Variants in GRID2 observed in about 807,000 individuals in gnomAD.
GRID2 encodes glutamate receptor ionotropic, delta-2.
A neutral mutation model predicts 114.8 loss-of-function variants in GRID2; 33 were observed. That is an observed-to-expected ratio of 0.29 (90% CI 0.22 to 0.38). GRID2 has a LOEUF of 0.38. GRID2 is among the 10% of genes least tolerant of loss of function. The pLI is 1.00. For synonymous variants in GRID2, 505 were observed against 449.9 expected, an observed-to-expected ratio of 1.12 and a Z score of -1.55; for missense variants, 1,184 against 1,257.7, an observed-to-expected ratio of 0.94 and a Z score of 0.89.
chr4:93,003,352 C>T (rs1336415885), intron 2 of GRID2, among the ~76,000 whole-genome samples: 1 of 151,882 alleles, frequency 6.6e-6, no homozygotes, highest in Non-Finnish European at 1.5e-5. Flanking sequence ...GTCATTTAAA[C>T]ATTTTGATTT....
At chr4:92,862,920 C>T (rs527659204) in intron 2 of GRID2, among the ~76,000 whole-genome samples, 18 of 152,062 alleles carry the variant, frequency 1.2e-4, no homozygotes, top group Admixed American at 7.9e-4. Flanking sequence ...GCACTTGAGA[C>T]GGATTGATAA....
chr4:92,695,866 A>T (rs372440817), intron 2 of GRID2, among the ~76,000 whole-genome samples: 18 of 152,266 alleles, frequency 1.2e-4, no homozygotes, highest in African/African-American at 4.3e-4. Context: ...ATCTGAAATC[A>T]TACCCTGTAA....
intron 5 of GRID2, among the ~76,000 whole-genome samples, chr4:93,210,641 A>C (rs960187468): frequency 1.3e-5 from 2 of 152,038 alleles, no homozygotes; most frequent in African/African-American, 4.8e-5. Context: ...CCCACTGTTT[A>C]AGGCTCAATT....
intron 2 of GRID2, among the ~76,000 whole-genome samples, chr4:92,854,372 A>G (rs1394083420): frequency 6.6e-6 from 1 of 152,072 alleles, no homozygotes; most frequent in East Asian, 1.9e-4. Flanking sequence ...TCTGGGCTGA[A>G]AAGATCACTC....
rs561375793 is a variant in GRID2, at chr4:93,769,322, G to A, written c.2473G>A (p.Ala825Thr). The A allele has an allele frequency of 9.3e-6, 15 of 1,614,082 alleles. No individual in the cohort carries two copies. The highest frequency in any genetic ancestry group is 1.7e-4 in the Middle Eastern group (1 of 6,060). ...SSVDTKQKGG[A>T]LDIKSFAGVF... ...AGTGGACACAAAGCAGAAAGGAGGC[G>A]CCCTGGACATAAAGAGCTTTGCAGG... Residue 825 changes from alanine (A) to threonine (T), a missense_variant, in exon 15 of 16, where the codon GCC becomes ACC. By Grantham distance (58) the Ala-to-Thr change is moderately conservative. This residue lies in a region of GRID2 where 717 missense variants were observed against 796.9 expected (regional missense o/e 0.90). Transcript: ENST00000282020.
At chr4:93,414,501 C>T (rs1324230015) in intron 9 of GRID2, among the ~76,000 whole-genome samples, 1 of 151,990 alleles carries the variant, frequency 6.6e-6, no homozygotes, top group Non-Finnish European at 1.5e-5. Context: ...GCTAGTGTCT[C>T]TTCTGTCTCT....
At chr4:93,687,891 A>G (rs1028992231) in intron 14 of GRID2, among the ~76,000 whole-genome samples, 2 of 152,010 alleles carry the variant, frequency 1.3e-5, no homozygotes, top group Non-Finnish European at 2.9e-5. Flanking sequence ...AATGGAAATG[A>G]TCTAGTAGAG....
intron 3 of GRID2, among the ~76,000 whole-genome samples, chr4:93,097,843 G>A (rs924320295): frequency 2.0e-5 from 3 of 151,836 alleles, no homozygotes; most frequent in Non-Finnish European, 4.4e-5. Context: ...ATCAAAATGA[G>A]CCATTTTCTG....
intron 2 of GRID2, among the ~76,000 whole-genome samples, chr4:92,901,588 C>T (rs763813338): frequency 6.6e-6 from 1 of 152,014 alleles, no homozygotes; most frequent in Non-Finnish European, 1.5e-5. Flanking sequence ...AAGAGTTTTT[C>T]CTAGGTTTTC....
intron 8 of GRID2, among the ~76,000 whole-genome samples, chr4:93,279,187 T>G (rs1579523685): frequency 6.6e-6 from 1 of 151,830 alleles, no homozygotes; most frequent in Non-Finnish European, 1.5e-5. Context: ...ATATGGCATC[T>G]TGAGTTTGTT....
chr4:93,720,608 T>C (rs553331782), intron 14 of GRID2, among the ~76,000 whole-genome samples: 3 of 152,312 alleles, frequency 2.0e-5, no homozygotes, highest in Non-Finnish European at 4.4e-5. Context: ...CACAAACTGA[T>C]ATCATTAAAT....
At chr4:93,095,484 AAC>A (rs1422797358) in intron 3 of GRID2, among the ~76,000 whole-genome samples, 9 of 152,134 alleles carry the variant, frequency 5.9e-5, no homozygotes, top group African/African-American at 1.4e-4. Context: ...CAAAGAATAA[AAC>A]ACAAAGAATT....
intron 1 of GRID2, among the ~76,000 whole-genome samples, chr4:92,343,456 A>G (rs971939076): frequency 6.6e-5 from 10 of 152,150 alleles, no homozygotes; most frequent in Admixed American, 5.2e-4. Context: ...ATAACTTTTT[A>G]CTTCCTAGAA....
chr4:92,694,011 T>C (rs573934475), intron 2 of GRID2, among the ~76,000 whole-genome samples: 4 of 152,182 alleles, frequency 2.6e-5, no homozygotes, highest in Admixed American at 1.3e-4. Context: ...GACTATCCTT[T>C]TGACAGATTG....
intron 2 of GRID2, among the ~76,000 whole-genome samples, chr4:92,740,701 TA>T (rs1454139434): frequency 1.2e-3 from 88 of 70,572 alleles, no homozygotes; most frequent in African/African-American, 3.8e-3. Context: ...GATAGATAGA[TA>T]GATAGATAGA....
Position 92,304,441 on chromosome 4 carries a change from A to T in GRID2, c.-216A>T, listed in dbSNP as rs1017401751. 2 of 594,878 alleles carry T rather than the reference A, an allele frequency of 3.4e-6. No homozygotes were observed. Among genetic ancestry groups the T allele is most frequent in the South Asian group, 2.0e-5 (1 of 48,852 alleles). 36.8% of individuals were successfully genotyped at this position (594,878 alleles called of 1,614,324 possible). ...ATGCCAAAATTCCCCTCCAAGTGACACGGCTTTGCGAAGGAGGTTTCCTCA... is the reference window on the plus strand; with the variant it reads ...ATGCCAAAATTCCCCTCCAAGTGACTCGGCTTTGCGAAGGAGGTTTCCTCA... On this transcript the variant is annotated 5_prime_UTR_variant, in exon 1 of 16. Coordinates refer to ENST00000282020, the MANE Select transcript of GRID2 (RefSeq NM_001510.4).
chr4:93,259,647 T>C (rs1174710625), intron 8 of GRID2, among the ~76,000 whole-genome samples: 1 of 151,850 alleles, frequency 6.6e-6, no homozygotes, highest in Admixed American at 6.6e-5. Context: ...TATTCAGTTA[T>C]TTTTTAATAT....
At chr4:92,628,098 A>G (rs887079601) in intron 2 of GRID2, among the ~76,000 whole-genome samples, 1 of 152,162 alleles carries the variant, frequency 6.6e-6, no homozygotes, top group Non-Finnish European at 1.5e-5. Flanking sequence ...TCCTTAATAT[A>G]ATTGAGAGTT....
intron 7 of GRID2, among the ~76,000 whole-genome samples, chr4:93,234,485 G>A (rs947887827): frequency 2.6e-5 from 4 of 151,944 alleles, no homozygotes; most frequent in African/African-American, 9.7e-5. Context: ...GTAACTTCCT[G>A]TTTACTTCTC....
Sources: allele counts gnomAD v4.1 joint callset (sites outside exome capture counted in the v4.1 genomes callset), GRCh38; gene constraint gnomAD v4.1.1; regional missense constraint gnomAD v4.1.1; transcripts MANE v1.5; gene names NCBI Gene and HGNC (gene_info 2026-07-23, HGNC 2026-07-21).